The following SPSB1 variants were observed in gnomAD, a reference collection of about 807,000 sequenced individuals.
SPSB1 encodes splA/ryanodine receptor domain and SOCS box containing 1, also known as SPRY domain-containing SOCS box protein 1.
SPSB1 carries 8 observed loss-of-function variants against 21.2 expected under a neutral mutation model. The observed-to-expected ratio is 0.38, with a 90% CI of 0.22 to 0.68. The LOEUF (loss-of-function observed/expected upper bound fraction) is 0.68. Ranked by LOEUF, SPSB1 falls within the 30% of genes least tolerant of loss-of-function variation. SPSB1 has a pLI of 0.53. For missense variants in SPSB1, 242 were observed against 377.8 expected (o/e 0.64, Z 2.98); for synonymous variants, 169 against 161.7 (o/e 1.05, Z -0.34).
intron 2 of SPSB1, among the ~76,000 whole-genome samples, chr1:9,361,545 C>A (rs1221684736): frequency 6.6e-6 from 1 of 152,008 alleles, no homozygotes; most frequent in African/African-American, 2.4e-5. Flanking sequence ...CCAGGCAGAA[C>A]CCCCCCGCAG....
chr1:9,313,545 C>G (rs1639560509), intron 1 of SPSB1, among the ~76,000 whole-genome samples: 1 of 152,164 alleles, frequency 6.6e-6, no homozygotes, highest in Non-Finnish European at 1.5e-5. Flanking sequence ...GGCACCTGAT[C>G]TGGGGTGGGA....
At position 9,306,672 on chromosome 1, in the gene SPSB1, C is replaced by T. The variant is rs144706924; in HGVS notation, c.-150+13601C>T. Among the ~76,000 whole-genome samples, 728 of 152,258 alleles carry T rather than the reference C, an allele frequency of 4.8e-3. 3 individuals carry two copies. Among genetic ancestry groups the T allele is most frequent in the South Asian group, 0.033 (157 of 4,816 alleles). On this transcript the variant is annotated intron_variant, in intron 1 of 2. Coordinates refer to ENST00000328089, the MANE Select transcript of SPSB1 (RefSeq NM_025106.4). ...GGCTCTCAGTCTTACTCTTCAGCAC[C>T]ATTTGCCACAAAAGAGGAGCGAGGA...
In SPSB1 at chr1:9,348,513, T is replaced by C. The variant is rs1360508170; in HGVS notation, c.-149-7230T>C. ...GTCTAGGACTCCCAAACAGTGCACT[T>C]TGGGGATGCTTTTGACTCCTCCCCA... is the stretch of plus-strand genomic sequence containing the variant. On this transcript the variant is annotated intron_variant, in intron 1 of 2. Transcript: ENST00000328089. This position sits in a 1 kb window ranked among gnomAD's most constrained non-coding sequence, Gnocchi z 4.8. Among the ~76,000 whole-genome samples the C allele has an allele frequency of 6.6e-6, 1 of 151,914 alleles. No individual in the cohort carries two copies. The highest frequency in any genetic ancestry group is 1.9e-4 in the East Asian group (1 of 5,166).
At chr1:9,357,443 A>G (rs192794600) in intron 2 of SPSB1, among the ~76,000 whole-genome samples, 2 of 152,302 alleles carry the variant, frequency 1.3e-5, no homozygotes, top group East Asian at 3.9e-4. Flanking sequence ...CAGTTGACCA[A>G]ATTCTAGCCC....
intron 1 of SPSB1, among the ~76,000 whole-genome samples, chr1:9,344,002 A>C (rs1211573117): frequency 6.6e-6 from 1 of 152,100 alleles, no homozygotes; most frequent in Non-Finnish European, 1.5e-5. Flanking sequence ...GTTAGCCAGG[A>C]TGGTCTCGAT....
intron 2 of SPSB1, among the ~76,000 whole-genome samples, chr1:9,361,069 C>T (rs1470838744): frequency 3.3e-5 from 5 of 151,574 alleles, no homozygotes; most frequent in Admixed American, 2.0e-4. Flanking sequence ...AGGGGGGTGT[C>T]CTGGTGAGAT....
chr1:9,327,237 T>G (rs922165490), intron 1 of SPSB1, among the ~76,000 whole-genome samples: 2 of 152,218 alleles, frequency 1.3e-5, no homozygotes, highest in Non-Finnish European at 1.5e-5. Flanking sequence ...TGGTAGCTAT[T>G]TTTATCTCAT....
intron 1 of SPSB1, among the ~76,000 whole-genome samples, chr1:9,297,901 A>G (rs563347): frequency 0.078 from 11,936 of 152,238 alleles, 1,487 homozygotes; most frequent in African/African-American, 0.26. Context: ...ATACGTTGAG[A>G]AATAGATTTG....
intron 1 of SPSB1, among the ~76,000 whole-genome samples, chr1:9,337,988 C>G (rs1640031613): frequency 6.6e-6 from 1 of 152,198 alleles, no homozygotes. Context: ...GGTCAGCAGC[C>G]TGTCTCTGAA....
Position 9,344,227 on chromosome 1 carries a change from A to T in SPSB1, c.-149-11516A>T, listed in dbSNP as rs1157465607. 3.9e-5 allele frequency among the ~76,000 whole-genome samples: 6 copies of T among 152,204 alleles called. No homozygotes were observed. In the East Asian group the frequency reaches 9.6e-4, roughly 24 times the overall value. On this transcript the variant is annotated intron_variant, in intron 1 of 2. Coordinates refer to ENST00000328089, the MANE Select transcript of SPSB1 (RefSeq NM_025106.4). ...CTCTGGCCTCATCCTAGTTCCCTGG[A>T]GGGCTCATTAGAATGCAGGCTGCCC...
chr1:9,304,835 G>A (rs1442511765), intron 1 of SPSB1, among the ~76,000 whole-genome samples: 1 of 152,100 alleles, frequency 6.6e-6, no homozygotes, highest in Non-Finnish European at 1.5e-5. Flanking sequence ...ACCACCCCCA[G>A]CTAATTTTTA....
chr1:9,355,062 G>A (rs1237886121), intron 1 of SPSB1, among the ~76,000 whole-genome samples: 1 of 152,236 alleles, frequency 6.6e-6, no homozygotes, highest in East Asian at 1.9e-4. Context: ...AATCCCGGGG[G>A]TCGGGGGATG....
At position 9,365,959 on chromosome 1, in the gene SPSB1, C is replaced by T. The variant is rs971672516; in HGVS notation, c.695-1489C>T. Among the ~76,000 whole-genome samples the T allele has an allele frequency of 8.5e-5, 13 of 152,210 alleles. No homozygotes were observed. In the East Asian group the frequency reaches 1.2e-3, roughly 14 times the overall value. On this transcript the variant is annotated intron_variant, in intron 2 of 2. Transcript: ENST00000328089. Reference sequence around the variant, plus strand: ...GAGAGCAAAGAGGGGTCTGCTCTGGCGAAGCGGGCGAGCAGGGCCGCGCAG... The same window carrying T: ...GAGAGCAAAGAGGGGTCTGCTCTGGTGAAGCGGGCGAGCAGGGCCGCGCAG...
At chr1:9,320,337 T>A (rs930182026) in intron 1 of SPSB1, among the ~76,000 whole-genome samples, 7 of 152,184 alleles carry the variant, frequency 4.6e-5, no homozygotes, top group African/African-American at 1.7e-4. Flanking sequence ...TGTCGCCTCC[T>A]CCATCCCAGC....
chr1:9,328,574 A>G (rs1485963155), intron 1 of SPSB1, among the ~76,000 whole-genome samples: 1 of 152,238 alleles, frequency 6.6e-6, no homozygotes, highest in Non-Finnish European at 1.5e-5. Flanking sequence ...AGAGGTAAAC[A>G]TCTCGTTCGG....
In SPSB1 at chr1:9,305,950, G is replaced by A. The variant is rs116791428; in HGVS notation, c.-150+12879G>A. Among the ~76,000 whole-genome samples the A allele has an allele frequency of 5.4e-3, 820 of 152,306 alleles. 2 individuals are homozygous for A. Among genetic ancestry groups the A allele is most frequent in the African/African-American group, 0.018 (763 of 41,560 alleles). ...TGTGTGGCCAAAATGAGTGCAGAGA[G>A]GCAGGAGGGCCCACAGACCTGGGGA... On this transcript the variant is annotated intron_variant, in intron 1 of 2. Coordinates refer to ENST00000328089, the MANE Select transcript of SPSB1 (RefSeq NM_025106.4). This position sits in a 1 kb window ranked among gnomAD's most constrained non-coding sequence, Gnocchi z 4.8.
At chr1:9,344,842 A>T (rs1640145397) in intron 1 of SPSB1, among the ~76,000 whole-genome samples, 1 of 151,886 alleles carries the variant, frequency 6.6e-6, no homozygotes, top group Non-Finnish European at 1.5e-5. Context: ...TTTCCTGGTC[A>T]GCCTGCTGCT....
chr1:9,317,676 G>T lies in SPSB1; in HGVS notation c.-150+24605G>T, dbSNP rs1639637314. On this transcript the variant is annotated intron_variant, in intron 1 of 2. Coordinates refer to ENST00000328089, the MANE Select transcript of SPSB1 (RefSeq NM_025106.4). This position sits in a 1 kb window ranked among gnomAD's most constrained non-coding sequence, Gnocchi z 4.3. ...ATTTTGTATTTTTTGTAGAGTTGGGGTTTCACCCTATTGCCAGGCTGGTCT... is the reference window on the plus strand; with the variant it reads ...ATTTTGTATTTTTTGTAGAGTTGGGTTTTCACCCTATTGCCAGGCTGGTCT... Among the ~76,000 whole-genome samples the T allele has an allele frequency of 6.6e-6, 1 of 152,054 alleles. No homozygotes were observed. Among genetic ancestry groups the T allele is most frequent in the Non-Finnish European group, 1.5e-5 (1 of 67,998 alleles).
intron 1 of SPSB1, among the ~76,000 whole-genome samples, chr1:9,306,280 T>C (rs557921154): frequency 4.6e-5 from 7 of 152,354 alleles, no homozygotes; most frequent in South Asian, 4.1e-4. Context: ...GCAGTCGGCT[T>C]TTCTGCTCTG....
Sources: allele counts gnomAD v4.1 joint callset (sites outside exome capture counted in the v4.1 genomes callset), GRCh38; gene constraint gnomAD v4.1.1; non-coding constraint Gnocchi (gnomAD v3.1); transcripts MANE v1.5; gene names NCBI Gene and HGNC (gene_info 2026-07-23, HGNC 2026-07-21).